The following ANO7 variants were observed in gnomAD, a reference collection of about 807,000 sequenced individuals.
ANO7 encodes anoctamin 7.
ANO7 carries 114 observed loss-of-function variants against 115.8 expected under a neutral mutation model. The observed-to-expected ratio is 0.98, with a 90% CI of 0.85 to 1.15. The LOEUF is 1.15. Ranked by LOEUF, ANO7 falls within the 50% of genes most tolerant of loss-of-function variation. The pLI, the probability that ANO7 is intolerant of heterozygous loss-of-function variation, is 0.00. For missense variants in ANO7, 1,302 were observed against 1,201.2 expected, an observed-to-expected ratio of 1.08 and a Z score of -1.24; for synonymous variants, 550 against 498.2, an observed-to-expected ratio of 1.10 and a Z score of -1.38.
chr2:241,215,584 T>C (rs2068811648), intron 18 of ANO7, among the ~76,000 whole-genome samples: 1 of 152,208 alleles, frequency 6.6e-6, no homozygotes, highest in Non-Finnish European at 1.5e-5. Flanking sequence ...GAACTATTGG[T>C]GCTGTGAAAC....
intron 19 of ANO7, among the ~76,000 whole-genome samples, chr2:241,217,437 C>A (rs1339251613): frequency 6.6e-6 from 1 of 152,246 alleles, no homozygotes; most frequent in Non-Finnish European, 1.5e-5. Flanking sequence ...CTGAGCTCAC[C>A]GAGCCGGAGA....
intron 11 of ANO7, among the ~76,000 whole-genome samples, chr2:241,207,970 G>A (rs9678265): frequency 5.9e-5 from 9 of 152,122 alleles, no homozygotes; most frequent in African/African-American, 1.2e-4. Flanking sequence ...GCTCCAAGGC[G>A]GACAAACCCT....
At position 241,217,853 on chromosome 2, in the gene ANO7, A is replaced by G; in HGVS notation, c.2140A>G (p.Ile714Val). 1 of 1,603,502 alleles carries G rather than the reference A, an allele frequency of 6.2e-7. No homozygotes were observed. The highest frequency in any genetic ancestry group is 1.3e-5 in the African/African-American group (1 of 74,258). The change falls in exon 20 of 25, where the codon ATC (isoleucine) becomes GTC (valine). Residue 714 changes from isoleucine to valine, a missense_variant. Physicochemically the swap from Ile to Val is conservative, Grantham distance 29 (BLOSUM62 3). Transcript: ENST00000674324. ...RAQDIGIWFHILAGLTHLAVI... is the reference protein window; with the variant it reads ...RAQDIGIWFHVLAGLTHLAVI... The stretch of plus-strand genomic sequence containing the variant: ...CCAGGACATCGGCATCTGGTTCCAC[A>G]TCCTGGCGGGCCTCACGCACCTGGC...
chr2:241,239,376 CTTTTTT>C, the ANO7 span, among the ~76,000 whole-genome samples: 1 of 147,746 alleles, frequency 6.8e-6, no homozygotes, highest in Non-Finnish European at 1.5e-5. This position sits in a 1 kb window ranked among gnomAD's most constrained non-coding sequence, Gnocchi z 4.6. Context: ...TTCTCTCTCT[CTTTTTT>C]TTTTTAAGTG....
At chr2:241,228,815 C>T (rs958735729), downstream of ANO7, 3 of 152,788 alleles carry the variant, frequency 2.0e-5, no homozygotes, top group South Asian at 2.1e-4. Flanking sequence ...AGCGTAAGGC[C>T]CTACCTCCCC....
intron 7 of ANO7, 142 bp downstream of exon 7, chr2:241,201,497 A>G (rs2068471326): frequency 2.2e-6 from 2 of 903,002 alleles, no homozygotes; most frequent in Non-Finnish European, 1.7e-6. Context: ...TGGAAACTTT[A>G]GAGGCTGACC....
the ANO7 span, chr2:241,234,007 C>G: frequency 6.2e-7 from 1 of 1,609,872 alleles, no homozygotes; most frequent in Non-Finnish European, 8.5e-7. Flanking sequence ...TTGAGCTGAT[C>G]CACCCTGTGA....
At chr2:241,208,297 G>A (rs1235398553) in intron 11 of ANO7, among the ~76,000 whole-genome samples, 1 of 152,244 alleles carries the variant, frequency 6.6e-6, no homozygotes, top group African/African-American at 2.4e-5. Flanking sequence ...CGGGGCCAGA[G>A]TCCAGAATCA....
chr2:241,194,605 A>C (rs2068279890), intron 3 of ANO7, among the ~76,000 whole-genome samples: 1 of 152,272 alleles, frequency 6.6e-6, no homozygotes, highest in Non-Finnish European at 1.5e-5. Flanking sequence ...GGCGTGAGCC[A>C]CCAAACCCAG....
Position 241,214,793 on chromosome 2 carries a change from C to G in ANO7, c.1729-12C>G, listed in dbSNP as rs772857136. The stretch of plus-strand genomic sequence containing the variant: ...CCCCCTCTCCCAGCTAACCTGAGCC[C>G]TGCTGCCGTAGTGCGCGGCTGGAGG... On this transcript the variant is annotated splice_polypyrimidine_tract_variant and intron_variant, in intron 17 of 24. Transcript: ENST00000674324. 9 of 1,609,530 alleles carry G rather than the reference C, an allele frequency of 5.6e-6. No homozygotes were observed. The highest frequency in any genetic ancestry group is 2.7e-5 in the African/African-American group (2 of 75,008).
Position 241,195,993 on chromosome 2 carries a change from AGCTCCTCCGTGTG to A in ANO7, c.309+152_309+164del, listed in dbSNP as rs368749694. 575 of 1,536,274 alleles carry A rather than the reference AGCTCCTCCGTGTG, an allele frequency of 3.7e-4. No homozygotes were observed. In the African/African-American group the frequency reaches 7.1e-3, roughly 19 times the overall value. On this transcript the variant is annotated intron_variant, in intron 4 of 24. Coordinates refer to ENST00000674324, the MANE Select transcript of ANO7 (RefSeq NM_001370694.2). ...CCTGCTGGACCCCCCAGCCACCGTG[AGCTCCTCCGTGTG>A]GCTAGGGAGCTGCTGTCCAGAGGCG...
Position 241,191,251 on chromosome 2 carries a change from G to T in ANO7, c.166G>T (p.Ala56Ser), listed in dbSNP as rs773428343. 6 of 1,613,744 alleles carry T rather than the reference G, an allele frequency of 3.7e-6. No individual in the cohort carries two copies. In the Admixed American group the frequency reaches 5.0e-5, roughly 13 times the overall value. Reference sequence around the variant, plus strand: ...TGGGAGTCCTGCCAAGCCCCGGATCGGTGAGCCCCTCCCAGCACCTGTACC... The same window carrying T: ...TGGGAGTCCTGCCAAGCCCCGGATCTGTGAGCCCCTCCCAGCACCTGTACC... ...RAGSPAKPRI[A>S]DFVLVWEEDL... The change falls in exon 3 of 25, where the codon GCA becomes TCA. Residue 56 changes from alanine (A) to serine (S), a missense_variant and splice_region_variant. By Grantham distance (99) the Ala-to-Ser change is moderately conservative (BLOSUM62 1). Coordinates refer to ENST00000674324, the MANE Select transcript of ANO7 (RefSeq NM_001370694.2).
In ANO7 at chr2:241,218,223, C is replaced by T. The variant is rs1358025675; in HGVS notation, c.2179-16C>T. The T allele has an allele frequency of 4.8e-6, 7 of 1,453,990 alleles. No homozygotes were observed. The highest frequency in any genetic ancestry group is 6.3e-6 in the Non-Finnish European group (7 of 1,104,714). The allele number at this position is 1,453,990 out of a possible 1,614,324, so 90.1% of individuals were successfully genotyped here. On this transcript the variant is annotated splice_polypyrimidine_tract_variant and intron_variant, in intron 20 of 24. Coordinates refer to ENST00000674324, the MANE Select transcript of ANO7 (RefSeq NM_001370694.2). The stretch of plus-strand genomic sequence containing the variant: ...CGGAGCGGGGGCCGCCTCGCGCTGA[C>T]CCCTCCGGCGCCCAGGCCTTCCTCC...
At chr2:241,239,461 G>T in the ANO7 span, 4 of 643,010 alleles carry the variant, frequency 6.2e-6, no homozygotes, top group East Asian at 5.4e-5. The surrounding 1 kb of genome is among the most constrained non-coding windows in gnomAD (Gnocchi z 4.6). Context: ...AGAAGAGCGA[G>T]CACCAGAAAG....
At position 241,224,214 on chromosome 2, in the gene ANO7, C is replaced by A; in HGVS notation, c.*61C>A. 1 of 1,572,940 alleles carries A rather than the reference C, an allele frequency of 6.4e-7. No individual in the cohort carries two copies. Among genetic ancestry groups the A allele is most frequent in the Admixed American group, 1.7e-5 (1 of 58,914 alleles). On this transcript the variant is annotated 3_prime_UTR_variant, in exon 25 of 25. Transcript: ENST00000674324. ...GGCCCCTCCTGAGCCCTGCGAGCAG[C>A]GTCCTTTTCCTCTTCCCTCAGGCAG...
At chr2:241,193,303 C>T (rs1437497792) in intron 3 of ANO7, among the ~76,000 whole-genome samples, 1 of 152,124 alleles carries the variant, frequency 6.6e-6, no homozygotes, top group Non-Finnish European at 1.5e-5. Flanking sequence ...CTCCTGACCT[C>T]AGGTGATCCG....
At chr2:241,207,492 G>A in intron 10 of ANO7, 82 bp from the exon 11 acceptor site, 1 of 1,108,784 alleles carries the variant, frequency 9.0e-7, no homozygotes, top group South Asian at 1.2e-5. Context: ...GGGAGAGAGA[G>A]GACAAGGGAG....
Position 241,218,347 on chromosome 2 carries a change from T to C in ANO7, c.2287T>C (p.Ser763Pro), listed in dbSNP as rs1187863665. 2 of 1,484,190 alleles carry C rather than the reference T, an allele frequency of 1.3e-6. No individual in the cohort carries two copies. Among genetic ancestry groups the C allele is most frequent in the African/African-American group, 1.5e-5 (1 of 68,592 alleles). The allele number at this position is 1,484,190 out of a possible 1,614,324, so 91.9% of individuals were successfully genotyped here. A position where few individuals can be genotyped will look rare whatever the true frequency, so the allele number is the denominator to read the frequency against. Reference protein sequence around the residue: ...FLNFTLARAPSSFAAAHNRTC... With the variant: ...FLNFTLARAPPSFAAAHNRTC... Reference sequence around the variant, plus strand: ...CAACTTCACGCTGGCGCGAGCCCCGTCCTCCTTCGCCGCCGCGCACAACCG... The same window carrying C: ...CAACTTCACGCTGGCGCGAGCCCCGCCCTCCTTCGCCGCCGCGCACAACCG... The change falls in exon 21 of 25, where the codon TCC becomes CCC. Residue 763 changes from serine (S) to proline (P), a missense_variant. Transcript: ENST00000674324.
chr2:241,221,838 C>T (rs1440957914), intron 21 of ANO7, among the ~76,000 whole-genome samples: 1 of 151,194 alleles, frequency 6.6e-6, no homozygotes, highest in African/African-American at 2.4e-5. Flanking sequence ...CCACCATGCC[C>T]AGCTACTCTT....
Sources: allele counts gnomAD v4.1 joint callset (sites outside exome capture counted in the v4.1 genomes callset), GRCh38; gene constraint gnomAD v4.1.1; non-coding constraint Gnocchi (gnomAD v3.1); transcripts MANE v1.5; gene names NCBI Gene and HGNC (gene_info 2026-07-23, HGNC 2026-07-21).